CADPS: variants seen among roughly 807,000 people sequenced by gnomAD.
CADPS encodes the protein calcium dependent secretion activator, also known as calcium-dependent secretion activator 1.
A neutral mutation model predicts 167.3 loss-of-function variants in CADPS; 57 were observed. That is an observed-to-expected ratio of 0.34 (90% CI 0.28 to 0.42). CADPS has a LOEUF of 0.42. CADPS is among the 20% of genes least tolerant of loss of function. CADPS has a pLI of 1.00. For missense variants in CADPS, 1,414 were observed against 1,738.1 expected (o/e 0.81, Z 3.32); for synonymous variants, 676 against 635.3 (o/e 1.06, Z -0.96).
At chr3:62,677,781 A>G (rs1473781566) in intron 3 of CADPS, among the ~76,000 whole-genome samples, 3 of 152,138 alleles carry the variant, frequency 2.0e-5, no homozygotes, top group African/African-American at 7.2e-5. Context: ...CAGTATTACC[A>G]GCTGGGCTAA....
chr3:62,507,282 C>T (rs1306680778), intron 17 of CADPS, among the ~76,000 whole-genome samples: 1 of 152,166 alleles, frequency 6.6e-6, no homozygotes. Context: ...CTGGCACTAT[C>T]CCCTGCTCTG....
intron 16 of CADPS, 92 bp from the exon 17 acceptor site, chr3:62,512,860 C>A (rs1309187781): frequency 1.9e-6 from 2 of 1,069,938 alleles, no homozygotes; most frequent in South Asian, 1.6e-5. Context: ...AAATGCCCCC[C>A]ACTTATGTGT....
intron 3 of CADPS, among the ~76,000 whole-genome samples, chr3:62,746,329 C>T (rs1003953916): frequency 3.3e-5 from 5 of 152,252 alleles, no homozygotes; most frequent in Middle Eastern, 3.4e-3. Context: ...CTTAATCAGG[C>T]AATCCATTGA....
chr3:62,551,760 C>T (rs1383986435), intron 10 of CADPS, among the ~76,000 whole-genome samples: 1 of 152,156 alleles, frequency 6.6e-6, no homozygotes, highest in East Asian at 1.9e-4. Context: ...CATGTGCTCA[C>T]CTCAGTACCT....
chr3:62,853,025 C>G (rs2078938878), intron 1 of CADPS, among the ~76,000 whole-genome samples: 1 of 152,126 alleles, frequency 6.6e-6, no homozygotes, highest in East Asian at 1.9e-4. Flanking sequence ...TGTAAATGAG[C>G]TACAGCCCCT....
intron 1 of CADPS, among the ~76,000 whole-genome samples, chr3:62,857,730 G>T (rs1577433161): frequency 6.6e-6 from 1 of 151,682 alleles, no homozygotes; most frequent in Non-Finnish European, 1.5e-5. Context: ...GTCTTTGGGT[G>T]GTAAAATTAG....
chr3:62,651,467 G>T (rs1286716884), intron 4 of CADPS, among the ~76,000 whole-genome samples: 1 of 151,936 alleles, frequency 6.6e-6, no homozygotes, highest in South Asian at 2.1e-4. Context: ...TTTAAGTGAG[G>T]GAAACAGAAA....
At chr3:62,557,553 C>G (rs750930088) in intron 9 of CADPS, 40 bp from the exon 10 acceptor site, 1 of 1,484,346 alleles carries the variant, frequency 6.7e-7, no homozygotes, top group South Asian at 1.1e-5. Flanking sequence ...ACCCCTGGAG[C>G]CTGTCTTCTC....
At chr3:62,489,167 AT>A (rs11456268) in intron 21 of CADPS, among the ~76,000 whole-genome samples, 34 of 148,108 alleles carry the variant, frequency 2.3e-4, no homozygotes, top group Admixed American at 3.4e-4. Context: ...AACTTTTATT[AT>A]TTTTTTTTTT....
At chr3:62,800,665 A>T (rs2093705458) in intron 1 of CADPS, among the ~76,000 whole-genome samples, 1 of 152,196 alleles carries the variant, frequency 6.6e-6, no homozygotes, top group South Asian at 2.1e-4. Context: ...GAAGGCACAG[A>T]ATTCAAAATC....
chr3:62,779,436 G>T, intron 1 of CADPS: 1 of 518,122 alleles, frequency 1.9e-6, no homozygotes, highest in South Asian at 1.6e-5. Flanking sequence ...TGATTATTCT[G>T]TTCCTCATTT....
At chr3:62,432,256 G>A (rs537936819) in intron 28 of CADPS, among the ~76,000 whole-genome samples, 28 of 152,194 alleles carry the variant, frequency 1.8e-4, no homozygotes, top group Non-Finnish European at 2.5e-4. Flanking sequence ...TAGTCCTCAC[G>A]AAAACTGTAA....
In CADPS at chr3:62,533,078, G is replaced by C; in HGVS notation, c.2104-20C>G. The C allele has an allele frequency of 1.3e-6, 2 of 1,599,478 alleles. No homozygotes were observed. Among genetic ancestry groups the C allele is most frequent in the South Asian group, 1.1e-5 (1 of 90,394 alleles). Reference sequence around the variant, plus strand: ...CCAGCCCTATATAAAGAATAAAGGAGAGACTTTCTTTTAAATACAGGTTGT... The same window carrying C: ...CCAGCCCTATATAAAGAATAAAGGACAGACTTTCTTTTAAATACAGGTTGT... On this transcript the variant is annotated intron_variant, in intron 12 of 29. Coordinates refer to ENST00000383710, the MANE Select transcript of CADPS (RefSeq NM_003716.4).
chr3:62,518,092 A>C (rs2069444519), intron 14 of CADPS, 57 bp downstream of exon 14: 1 of 1,167,272 alleles, frequency 8.6e-7, no homozygotes, highest in Non-Finnish European at 1.3e-6. Flanking sequence ...TAAGTCCTTT[A>C]GTTTTCCCTT....
chr3:62,424,138 C>T (rs541501776), intron 28 of CADPS, among the ~76,000 whole-genome samples: 2 of 152,104 alleles, frequency 1.3e-5, no homozygotes, highest in South Asian at 4.1e-4. Context: ...GCAGAAAGAG[C>T]ACTGTATCCA....
intron 1 of CADPS, among the ~76,000 whole-genome samples, chr3:62,817,706 T>A (rs987061535): frequency 6.6e-6 from 1 of 152,142 alleles, no homozygotes; most frequent in African/African-American, 2.4e-5. Flanking sequence ...ACTGTGTAAA[T>A]CAGTATGAAA....
intron 25 of CADPS, 132 bp downstream of exon 25, chr3:62,466,207 T>G (rs1576425465): frequency 1.6e-6 from 1 of 634,138 alleles, no homozygotes; most frequent in Non-Finnish European, 2.8e-6. Context: ...TGAGGCTGGG[T>G]GATGTACAAT....
chr3:62,859,937 T>C (rs1232189861), intron 1 of CADPS, among the ~76,000 whole-genome samples: 1 of 152,178 alleles, frequency 6.6e-6, no homozygotes, highest in Non-Finnish European at 1.5e-5. Context: ...TGATGGGCCC[T>C]CTGCCTTGGT....
chr3:62,730,601 T>C (rs1374551746), intron 3 of CADPS, among the ~76,000 whole-genome samples: 1 of 152,128 alleles, frequency 6.6e-6, no homozygotes, highest in Non-Finnish European at 1.5e-5. Flanking sequence ...CCAATAAACA[T>C]TCTGCCATGA....
Sources: allele counts gnomAD v4.1 joint callset (sites outside exome capture counted in the v4.1 genomes callset), GRCh38; gene constraint gnomAD v4.1.1; transcripts MANE v1.5; gene names NCBI Gene and HGNC (gene_info 2026-07-23, HGNC 2026-07-21).